CENPK: variants seen among roughly 807,000 people sequenced by gnomAD.
The protein encoded by CENPK is SoxLZ/Sox6-binding protein Solt.
CENPK carries 46 observed loss-of-function variants against 40.9 expected under a neutral mutation model. That is an observed-to-expected ratio of 1.13 (90% CI 0.89 to 1.44). The LOEUF (loss-of-function observed/expected upper bound fraction) is 1.44. Ranked by LOEUF, CENPK falls within the 40% of genes most tolerant of loss-of-function variation. The pLI, the probability that CENPK is intolerant of heterozygous loss-of-function variation, is 0.00. For synonymous variants in CENPK, 107 were observed against 104.4 expected (o/e 1.02, Z -0.15); for missense variants, 288 against 303.5 (o/e 0.95, Z 0.38).
the CENPK span, among the ~76,000 whole-genome samples, chr5:65,510,578 C>T: frequency 6.6e-6 from 1 of 152,006 alleles, no homozygotes; most frequent in Non-Finnish European, 1.5e-5. Context: ...AGTTCAAGAC[C>T]AGCCTGGCTA....
chr5:65,498,444 T>C, the CENPK span, among the ~76,000 whole-genome samples: 2 of 151,996 alleles, frequency 1.3e-5, no homozygotes, highest in African/African-American at 4.8e-5. Flanking sequence ...CCTTTAAACC[T>C]CTTTACCTTT....
the CENPK span, among the ~76,000 whole-genome samples, chr5:65,504,796 A>G: frequency 1.8e-3 from 268 of 152,270 alleles, 2 homozygotes; most frequent in African/African-American, 6.2e-3. Context: ...AAATAAATTT[A>G]TGTGCTCACG....
chr5:65,556,447 C>T (rs951158120), intron 2 of CENPK, among the ~76,000 whole-genome samples: 1 of 151,886 alleles, frequency 6.6e-6, no homozygotes, highest in Non-Finnish European at 1.5e-5. Context: ...TGCATTTCAG[C>T]CTGGGTGACA....
chr5:65,557,507 T>C (rs1261182925), intron 2 of CENPK, among the ~76,000 whole-genome samples: 2 of 152,210 alleles, frequency 1.3e-5, no homozygotes, highest in South Asian at 2.1e-4. Flanking sequence ...CACCATGTTA[T>C]GCGAAAGCCC....
At chr5:65,533,188 T>C (rs1746208347) in intron 6 of CENPK, among the ~76,000 whole-genome samples, 1 of 151,398 alleles carries the variant, frequency 6.6e-6, no homozygotes, top group African/African-American at 2.4e-5. Context: ...CCGTCTCTAC[T>C]AAAAATACAT....
intron 6 of CENPK, chr5:65,541,577 C>T: frequency 2.5e-6 from 1 of 397,072 alleles, no homozygotes; most frequent in Non-Finnish European, 5.1e-6. Flanking sequence ...TTCTTTCTTT[C>T]CAGGTGAGAC....
At chr5:65,522,437 C>G (rs985246556) in intron 9 of CENPK, among the ~76,000 whole-genome samples, 2 of 151,542 alleles carry the variant, frequency 1.3e-5, no homozygotes, top group African/African-American at 4.9e-5. Flanking sequence ...TTTTCTTTTT[C>G]TTTTTTTTGG....
chr5:65,507,076 T>A, the CENPK span, among the ~76,000 whole-genome samples: 2 of 152,200 alleles, frequency 1.3e-5, no homozygotes, highest in Non-Finnish European at 2.9e-5. Flanking sequence ...AATAACATTA[T>A]CAGAATTTGC....
chr5:65,550,665 T>C (rs1749812002), intron 5 of CENPK: 1 of 152,158 alleles, frequency 6.6e-6, no homozygotes, highest in Admixed American at 6.5e-5. Context: ...CTGAATTTGT[T>C]AAACATAGAG....
intron 6 of CENPK, among the ~76,000 whole-genome samples, chr5:65,535,690 C>T (rs13162392): frequency 0.41 from 61,855 of 151,968 alleles, 12,951 homozygotes; most frequent in East Asian, 0.65. Context: ...TCCCATGTGC[C>T]TTTTCCTTTG....
At chr5:65,502,603 T>C in the CENPK span, among the ~76,000 whole-genome samples, 1 of 151,950 alleles carries the variant, frequency 6.6e-6, no homozygotes, top group Non-Finnish European at 1.5e-5. Context: ...AGAGTCTTTT[T>C]TTGTTTGTTT....
chr5:65,526,081 A>C (rs1273059028), intron 9 of CENPK, among the ~76,000 whole-genome samples: 1 of 152,206 alleles, frequency 6.6e-6, no homozygotes, highest in Non-Finnish European at 1.5e-5. Context: ...TATACATCAT[A>C]AAAAAAGAAG....
intron 6 of CENPK, among the ~76,000 whole-genome samples, chr5:65,539,534 T>C (rs1164215079): frequency 6.6e-6 from 1 of 152,216 alleles, no homozygotes; most frequent in Non-Finnish European, 1.5e-5. Flanking sequence ...GGCCCAAGAA[T>C]AATCTTTGGT....
At chr5:65,509,634 A>G in the CENPK span, among the ~76,000 whole-genome samples, 1 of 152,202 alleles carries the variant, frequency 6.6e-6, no homozygotes, top group Non-Finnish European at 1.5e-5. Flanking sequence ...CATATTTTCA[A>G]CGCATTTGGG....
downstream of CENPK, among the ~76,000 whole-genome samples, chr5:65,515,493 G>A (rs931704797): frequency 2.0e-4 from 30 of 152,144 alleles, no homozygotes; most frequent in Non-Finnish European, 3.8e-4. Flanking sequence ...ATGAACCACC[G>A]CTTCCAGCCG....
intron 6 of CENPK, among the ~76,000 whole-genome samples, chr5:65,535,361 C>G (rs951473699): frequency 1.3e-5 from 2 of 152,078 alleles, no homozygotes; most frequent in Non-Finnish European, 2.9e-5. Context: ...GGTCAGTTCC[C>G]TGAAAAAAAG....
At chr5:65,527,498 CATATATATATATATATATATAT>C (rs70983674) in intron 9 of CENPK, among the ~76,000 whole-genome samples, 1,897 of 91,638 alleles carry the variant, frequency 0.021, 45 homozygotes, top group African/African-American at 0.036. Flanking sequence ...TTATTAACAC[CATATATATATATATATATATAT>C]ATATATATAT....
chr5:65,513,185 T>G (rs560416852), downstream of CENPK, among the ~76,000 whole-genome samples: 1 of 152,316 alleles, frequency 6.6e-6, no homozygotes, highest in South Asian at 2.1e-4. Context: ...TCCAACTAAT[T>G]TTTTTCTTTC....
downstream of CENPK, among the ~76,000 whole-genome samples, chr5:65,517,503 A>G (rs942283673): frequency 6.6e-6 from 1 of 152,260 alleles, no homozygotes; most frequent in Admixed American, 6.5e-5. Context: ...TTTTCTACAG[A>G]GGGATTTGGT....
Sources: allele counts gnomAD v4.1 joint callset (sites outside exome capture counted in the v4.1 genomes callset), GRCh38; gene constraint gnomAD v4.1.1; transcripts MANE v1.5; gene names NCBI Gene and HGNC (gene_info 2026-07-23, HGNC 2026-07-21).